Variants in ODR4 observed in about 807,000 individuals in gnomAD.
ODR4 encodes odr-4 GPCR localization factor homolog, also known as protein odr-4 homolog.
ODR4 carries 47 observed loss-of-function variants against 60.2 expected under a neutral mutation model. That is an observed-to-expected ratio of 0.78 (90% CI 0.62 to 1.00). The LOEUF (loss-of-function observed/expected upper bound fraction) is 1.00, where lower values mean the gene tolerates loss of function less well. Among genes scored for constraint, ODR4 ranks in the 50% least tolerant of loss-of-function variants. ODR4 has a pLI of 0.00. For synonymous variants in ODR4, 178 were observed against 175.5 expected, an observed-to-expected ratio of 1.01 and a Z score of -0.11; for missense variants, 488 against 530.8, an observed-to-expected ratio of 0.92 and a Z score of 0.79.
At chr1:186,422,255 A>C (rs1661803252), downstream of ODR4, among the ~76,000 whole-genome samples, 1 of 152,170 alleles carries the variant, frequency 6.6e-6, no homozygotes, top group African/African-American at 2.4e-5. Flanking sequence ...AAGGCCATTA[A>C]AAATAAAGGA....
chr1:186,415,768 C>T (rs1388962861), intron 12 of ODR4, among the ~76,000 whole-genome samples: 1 of 152,230 alleles, frequency 6.6e-6, no homozygotes, highest in Non-Finnish European at 1.5e-5. Flanking sequence ...CACTTTCATT[C>T]AGCATTAAAT....
At chr1:186,405,920 G>A (rs1274116274) in intron 11 of ODR4, among the ~76,000 whole-genome samples, 163 bp from the exon 12 acceptor site, 2 of 152,120 alleles carry the variant, frequency 1.3e-5, no homozygotes, top group Non-Finnish European at 2.9e-5. Flanking sequence ...AGGTAAAGCA[G>A]AATTTGGTAA....
chr1:186,423,111 A>T (rs1661822341), downstream of ODR4, among the ~76,000 whole-genome samples: 1 of 152,244 alleles, frequency 6.6e-6, no homozygotes, highest in Admixed American at 6.5e-5. Flanking sequence ...ATACTTATTC[A>T]TAGGTTGAAT....
chr1:186,401,788 A>C (rs149081728), intron 11 of ODR4, among the ~76,000 whole-genome samples: 1 of 151,838 alleles, frequency 6.6e-6, no homozygotes, highest in Non-Finnish European at 1.5e-5. Flanking sequence ...TTTTGTGTCT[A>C]TGTTCATCAG....
chr1:186,405,994 A>T, intron 11 of ODR4, 89 bp from the exon 12 acceptor site: 1 of 909,498 alleles, frequency 1.1e-6, no homozygotes, highest in Non-Finnish European at 1.5e-6. Flanking sequence ...CTTTATTTCT[A>T]TTAGTTTTTG....
intron 3 of ODR4, among the ~76,000 whole-genome samples, chr1:186,383,551 A>G (rs1288526305): frequency 6.6e-6 from 1 of 152,080 alleles, no homozygotes; most frequent in South Asian, 2.1e-4. Context: ...AGACTTGCAC[A>G]TTCTGCGTTT....
chr1:186,408,609 A>C (rs959741254), intron 12 of ODR4, among the ~76,000 whole-genome samples: 1 of 149,930 alleles, frequency 6.7e-6, no homozygotes, highest in African/African-American at 2.4e-5. Flanking sequence ...TATATATGTG[A>C]ACATGTTTAT....
chr1:186,402,756 C>CT (rs1197358103), intron 11 of ODR4, among the ~76,000 whole-genome samples: 1 of 151,878 alleles, frequency 6.6e-6, no homozygotes, highest in Non-Finnish European at 1.5e-5. Flanking sequence ...CCTGAGTAAT[C>CT]TTTTAATTTT....
chr1:186,434,597 A>T, the ODR4 span, among the ~76,000 whole-genome samples: 1 of 152,198 alleles, frequency 6.6e-6, no homozygotes, highest in Admixed American at 6.5e-5. Flanking sequence ...AAAAATCCTC[A>T]TTCTCTGGAA....
chr1:186,384,414 GCCCCAC>G (rs1299344849), intron 3 of ODR4, among the ~76,000 whole-genome samples: 1 of 152,078 alleles, frequency 6.6e-6, no homozygotes, highest in East Asian at 1.9e-4. Flanking sequence ...CTTCCATTAG[GCCCCAC>G]TTGGGTTCAC....
At chr1:186,381,642 A>C (rs369505455) in intron 2 of ODR4, among the ~76,000 whole-genome samples, 1 of 151,958 alleles carries the variant, frequency 6.6e-6, no homozygotes, top group Non-Finnish European at 1.5e-5. Flanking sequence ...CCTTCCTTCT[A>C]TCTCTTTTTA....
chr1:186,407,921 T>C (rs914324480), intron 12 of ODR4, among the ~76,000 whole-genome samples: 1 of 152,140 alleles, frequency 6.6e-6, no homozygotes, highest in Admixed American at 6.6e-5. Flanking sequence ...TGATTTTTTT[T>C]CTGAAGAAAA....
At chr1:186,377,149 A>G (rs920473613) in intron 1 of ODR4, among the ~76,000 whole-genome samples, 2 of 152,216 alleles carry the variant, frequency 1.3e-5, no homozygotes, top group African/African-American at 4.8e-5. Flanking sequence ...AATACCTAAT[A>G]CAATGTAAAT....
the ODR4 span, among the ~76,000 whole-genome samples, chr1:186,429,576 G>T: frequency 1.3e-5 from 2 of 152,038 alleles, no homozygotes; most frequent in Non-Finnish European, 2.9e-5. Context: ...TTTTACTACA[G>T]TGCCTCTGTC....
At chr1:186,407,665 G>A (rs1661220498) in intron 12 of ODR4, among the ~76,000 whole-genome samples, 1 of 152,070 alleles carries the variant, frequency 6.6e-6, no homozygotes, top group Non-Finnish European at 1.5e-5. Flanking sequence ...TAAAACATGA[G>A]TACCACTTCC....
chr1:186,378,308 A>T (rs1479048826), intron 1 of ODR4, among the ~76,000 whole-genome samples: 1 of 152,190 alleles, frequency 6.6e-6, no homozygotes, highest in Non-Finnish European at 1.5e-5. Flanking sequence ...CCAAATGATG[A>T]TGATTCCTAA....
chr1:186,428,708 CCT>C, the ODR4 span, among the ~76,000 whole-genome samples: 5 of 152,132 alleles, frequency 3.3e-5, no homozygotes, highest in African/African-American at 1.2e-4. Flanking sequence ...GAGACATATA[CCT>C]CTTTCTTTCA....
At chr1:186,417,512 A>G in intron 12 of ODR4, 32 bp from the exon 13 acceptor site, 6 of 1,194,994 alleles carry the variant, frequency 5.0e-6, no homozygotes, top group African/African-American at 1.5e-5. Flanking sequence ...TCCTTATTTT[A>G]TGTGGAATTT....
downstream of ODR4, among the ~76,000 whole-genome samples, chr1:186,425,019 C>T (rs574089083): frequency 2.0e-5 from 3 of 150,942 alleles, no homozygotes; most frequent in South Asian, 2.1e-4. Flanking sequence ...CATGCATACA[C>T]GAGCAAGAAA....
Sources: gnomAD v4.1 joint callset for allele counts (sites outside exome capture counted in the v4.1 genomes callset) on GRCh38, gnomAD v4.1.1 for gene constraint, MANE v1.5 for transcripts, NCBI Gene and HGNC (gene_info 2026-07-23, HGNC 2026-07-21) for gene names.